The following C3orf20 variants were observed in gnomAD, a reference collection of about 807,000 sequenced individuals.
C3orf20 encodes the protein uncharacterized protein C3orf20.
A neutral mutation model predicts 88.3 loss-of-function variants in C3orf20; 76 were observed. That is an observed-to-expected ratio of 0.86 (90% confidence interval 0.72 to 1.04). The LOEUF (loss-of-function observed/expected upper bound fraction) is 1.04. Among genes scored for constraint, C3orf20 ranks in the 50% least tolerant of loss-of-function variants. C3orf20 has a pLI of 0.00. For missense variants in C3orf20, 1,056 were observed against 1,123.3 expected (o/e 0.94, Z 0.86); for synonymous variants, 436 against 437.4 (o/e 1.00, Z 0.04).
chr3:14,697,274 C>T (rs1246261706), intron 5 of C3orf20, among the ~76,000 whole-genome samples: 1 of 152,156 alleles, frequency 6.6e-6, no homozygotes, highest in African/African-American at 2.4e-5. Flanking sequence ...CTACCCCTAT[C>T]TCTTTCTCTA....
At chr3:14,693,158 T>A (rs2032816709) in intron 5 of C3orf20, among the ~76,000 whole-genome samples, 1 of 152,216 alleles carries the variant, frequency 6.6e-6, no homozygotes, top group South Asian at 2.1e-4. Context: ...GGTAAGATGA[T>A]TCCTCTAGTT....
intron 14 of C3orf20, 146 bp downstream of exon 14, chr3:14,760,144 C>T (rs2035515348): frequency 1.4e-6 from 1 of 690,660 alleles, no homozygotes; most frequent in African/African-American, 1.8e-5. Flanking sequence ...GGCTGAGGCC[C>T]AGAGAGCAGG....
At chr3:14,742,691 C>G (rs548886508) in intron 12 of C3orf20, among the ~76,000 whole-genome samples, 2 of 152,038 alleles carry the variant, frequency 1.3e-5, no homozygotes, top group South Asian at 2.1e-4. Context: ...AAGACATACC[C>G]GAAACTGGGA....
intron 10 of C3orf20, chr3:14,722,238 C>T (rs2034189989): frequency 3.1e-6 from 1 of 321,586 alleles, no homozygotes; most frequent in African/African-American, 2.2e-5. Context: ...GCTTTAGTGC[C>T]CCTGGAAGAA....
intron 2 of C3orf20, 79 bp from the exon 3 acceptor site, chr3:14,682,499 G>T: frequency 5.0e-6 from 3 of 595,530 alleles, no homozygotes; most frequent in Non-Finnish European, 8.8e-6. Flanking sequence ...GGTGTCTCTG[G>T]GTAGGTAAGG....
At chr3:14,750,195 T>C (rs1213768336) in intron 12 of C3orf20, among the ~76,000 whole-genome samples, 4 of 152,190 alleles carry the variant, frequency 2.6e-5, no homozygotes, top group Non-Finnish European at 5.9e-5. Context: ...TTAGCTTTTG[T>C]TTGTCTGGGA....
intron 3 of C3orf20, among the ~76,000 whole-genome samples, chr3:14,683,802 G>A (rs1473271984): frequency 6.6e-6 from 1 of 151,576 alleles, no homozygotes; most frequent in African/African-American, 2.4e-5. Context: ...CTTGAACCCA[G>A]GAGGTGGAGG....
In C3orf20 at chr3:14,728,312, A is replaced by G; in HGVS notation, c.1691-127A>G. 3.6e-6 allele frequency: 4 copies of G among 1,111,242 alleles called. No homozygotes were observed. The East Asian group carries it at 7.1e-5, about 20-fold the overall frequency. 68.8% of individuals were successfully genotyped at this position (1,111,242 alleles called of 1,614,324 possible). On this transcript the variant is annotated intron_variant, in intron 11 of 16. Coordinates refer to ENST00000253697, the MANE Select transcript of C3orf20 (RefSeq NM_032137.5). ...GACAGCAGAGGGGAGGTGCCGGAGA[A>G]TCAATGAGAGCGGAGGGGAGGAGAT...
At chr3:14,678,071 T>A (rs1471646273) in intron 1 of C3orf20, among the ~76,000 whole-genome samples, 1 of 152,130 alleles carries the variant, frequency 6.6e-6, no homozygotes, top group Non-Finnish European at 1.5e-5. Flanking sequence ...GGCATCCAGT[T>A]CCTTGCTGTT....
intron 7 of C3orf20, 149 bp downstream of exon 7, chr3:14,704,767 A>G (rs2033429656): frequency 1.0e-6 from 1 of 964,020 alleles, no homozygotes; most frequent in Non-Finnish European, 1.5e-6. Context: ...GCTTGTCTAG[A>G]TCAGACTCAG....
Position 14,684,361 on chromosome 3 carries a change from A to G in C3orf20, c.604A>G (p.Ser202Gly). 1 of 1,614,202 alleles carries G rather than the reference A, an allele frequency of 6.2e-7. No individual in the cohort carries two copies. Residue 202 changes from serine to glycine, a missense_variant, in exon 4 of 17, where the codon AGC (serine) becomes GGC (glycine). Transcript: ENST00000253697. Reference sequence around the variant, plus strand: ...CAGCACAGCCGGGAGAAGTGGCTACAGCAGCGGACAGTTGTGGAAAGGTGG... The same window carrying G: ...CAGCACAGCCGGGAGAAGTGGCTACGGCAGCGGACAGTTGTGGAAAGGTGG... ...LISTAGRSGY[S>G]SGQLWKESLA...
At chr3:14,690,153 G>A in intron 5 of C3orf20, 37 bp downstream of exon 5, 1 of 1,613,192 alleles carries the variant, frequency 6.2e-7, no homozygotes. Flanking sequence ...ATTCATTGGT[G>A]GTGGCGGTGG....
At chr3:14,750,194 G>A (rs191399648) in intron 12 of C3orf20, among the ~76,000 whole-genome samples, 2 of 152,166 alleles carry the variant, frequency 1.3e-5, no homozygotes, top group Non-Finnish European at 2.9e-5. Context: ...CTTAGCTTTT[G>A]TTTGTCTGGG....
intron 5 of C3orf20, among the ~76,000 whole-genome samples, chr3:14,691,249 C>T (rs1256885069): frequency 6.6e-6 from 1 of 152,168 alleles, no homozygotes; most frequent in East Asian, 1.9e-4. Flanking sequence ...TGTTGATGTG[C>T]TTCATCTCAT....
intron 7 of C3orf20, among the ~76,000 whole-genome samples, chr3:14,706,799 G>T (rs2033520562): frequency 6.6e-6 from 1 of 151,980 alleles, no homozygotes; most frequent in Admixed American, 6.6e-5. Flanking sequence ...CTGTTACTGT[G>T]TTCAAATGGT....
intron 7 of C3orf20, among the ~76,000 whole-genome samples, chr3:14,706,055 TGGA>T (rs776105625): frequency 4.6e-5 from 7 of 152,160 alleles, no homozygotes; most frequent in Non-Finnish European, 8.8e-5. Flanking sequence ...GCCCCTTTCT[TGGA>T]GGAGAGGACG....
At chr3:14,688,774 G>C (rs1374644368) in intron 4 of C3orf20, among the ~76,000 whole-genome samples, 1 of 151,966 alleles carries the variant, frequency 6.6e-6, no homozygotes, top group Non-Finnish European at 1.5e-5. Flanking sequence ...AGTTTCCTTT[G>C]TGGTTCCTGT....
chr3:14,695,436 C>T (rs763819427), intron 5 of C3orf20, among the ~76,000 whole-genome samples: 5 of 151,798 alleles, frequency 3.3e-5, no homozygotes, highest in Non-Finnish European at 5.9e-5. Context: ...GAAAATGACC[C>T]ACGTGCTAAG....
chr3:14,728,251 C>A (rs1441260731), intron 11 of C3orf20, among the ~76,000 whole-genome samples, 188 bp from the exon 12 acceptor site: 1 of 152,120 alleles, frequency 6.6e-6, no homozygotes, highest in Admixed American at 6.5e-5. Flanking sequence ...TTGGCAGTGT[C>A]ACTGATGAGT....
Sources: allele counts gnomAD v4.1 joint callset (sites outside exome capture counted in the v4.1 genomes callset), GRCh38; gene constraint gnomAD v4.1.1; transcripts MANE v1.5; gene names NCBI Gene and HGNC (gene_info 2026-07-23, HGNC 2026-07-21).